Variants in ROBO1 observed in about 807,000 individuals in gnomAD.
The protein encoded by ROBO1 is roundabout homolog 1.
In ROBO1, 149 loss-of-function variants were observed where a neutral mutation model predicts 195.9. The observed-to-expected ratio is 0.76, with a 90% CI of 0.67 to 0.87. ROBO1 has a LOEUF of 0.87. Among genes scored for constraint, ROBO1 ranks in the 40% least tolerant of loss-of-function variants. The pLI, the probability that ROBO1 is intolerant of heterozygous loss-of-function variation, is 0.00. For synonymous variants in ROBO1, 816 were observed against 733.2 expected, an observed-to-expected ratio of 1.11 and a Z score of -1.82; for missense variants, 1,933 against 2,068.3, an observed-to-expected ratio of 0.93 and a Z score of 1.27.
At chr3:79,652,735 T>C (rs1946048461) in intron 1 of ROBO1, among the ~76,000 whole-genome samples, 1 of 152,024 alleles carries the variant, frequency 6.6e-6, no homozygotes, top group African/African-American at 2.4e-5. Flanking sequence ...GAGTATTTGC[T>C]ATTGTTTTAA....
At chr3:78,979,824 A>AGC (rs933672948) in intron 3 of ROBO1, among the ~76,000 whole-genome samples, 9 of 149,190 alleles carry the variant, frequency 6.0e-5, no homozygotes, top group African/African-American at 2.2e-4. Context: ...TACACACACA[A>AGC]ACACACACAC....
At chr3:79,442,034 A>AAAAAAAAAGTCCAAGAAAGG (rs1281524216) in intron 2 of ROBO1, among the ~76,000 whole-genome samples, 1 of 148,370 alleles carries the variant, frequency 6.7e-6, no homozygotes, top group African/African-American at 2.6e-5. Flanking sequence ...CCAAGAAAGG[A>AAAAAAAAAGTCCAAGAAAGG]AAAAAAAAGT....
intron 2 of ROBO1, among the ~76,000 whole-genome samples, chr3:79,466,877 A>C (rs1937988015): frequency 6.6e-6 from 1 of 152,226 alleles, no homozygotes; most frequent in South Asian, 2.1e-4. Flanking sequence ...AGACTATTTC[A>C]GGAACTGATT....
At chr3:79,621,020 T>A (rs1944990733) in intron 1 of ROBO1, among the ~76,000 whole-genome samples, 1 of 152,012 alleles carries the variant, frequency 6.6e-6, no homozygotes, top group Admixed American at 6.6e-5. Flanking sequence ...CTATCCTCAA[T>A]ATCTCCCTCC....
chr3:79,157,650 T>A lies in ROBO1; in HGVS notation c.89-32111A>T, dbSNP rs1284830160. ...GTACAATAAAAGGAATATGAGTTCA[T>A]TTTTTCCCCAGAATAATTTGTTCTA... On this transcript the variant is annotated intron_variant, in intron 2 of 30. Coordinates refer to ENST00000464233, the MANE Select transcript of ROBO1 (RefSeq NM_002941.4). 4.0e-5 allele frequency among the ~76,000 whole-genome samples: 6 copies of A among 151,884 alleles called. No homozygotes were observed. In the East Asian group the frequency reaches 1.2e-3, roughly 29 times the overall value.
intron 3 of ROBO1, among the ~76,000 whole-genome samples, chr3:78,947,114 C>G (rs535227453): frequency 1.4e-5 from 2 of 147,690 alleles, no homozygotes; most frequent in Admixed American, 1.3e-4. Flanking sequence ...GACAGATCAA[C>G]AAGACAGAAA....
intron 3 of ROBO1, among the ~76,000 whole-genome samples, chr3:79,057,470 C>T (rs2078832989): frequency 1.3e-5 from 2 of 151,968 alleles, no homozygotes; most frequent in Non-Finnish European, 2.9e-5. Context: ...GAAATCTGTG[C>T]CAACTCCTCA....
intron 2 of ROBO1, among the ~76,000 whole-genome samples, chr3:79,464,523 T>A (rs1198116847): frequency 6.6e-6 from 1 of 152,218 alleles, no homozygotes; most frequent in Non-Finnish European, 1.5e-5. Context: ...ATATTAAACA[T>A]CTTTTCATGT....
chr3:78,603,280 C>T (rs899253232), intron 29 of ROBO1, among the ~76,000 whole-genome samples: 6 of 152,088 alleles, frequency 3.9e-5, no homozygotes, highest in Admixed American at 2.0e-4. Context: ...AATAGACCTT[C>T]GGGCTTTTTA....
chr3:78,636,935 T>TTATATATATATATATATATATA (rs55894934), intron 22 of ROBO1, among the ~76,000 whole-genome samples: 2 of 96,696 alleles, frequency 2.1e-5, no homozygotes, highest in African/African-American at 3.6e-5. Context: ...TACATTCATT[T>TTATATATATATATATATATATA]TATATATATA....
In ROBO1 at chr3:79,417,903, G is replaced by A. The variant is rs143257959; in HGVS notation, c.88+171921C>T. 3.3e-5 allele frequency among the ~76,000 whole-genome samples: 5 copies of A among 152,170 alleles called. No homozygotes were observed. The East Asian group carries it at 5.8e-4, about 18-fold the overall frequency. ...TTCTACTCCAGCCAGGTGGCTATGCGTGTTTAAGTTATAGTTCTGGTTTTA... is the reference window on the plus strand; with the variant it reads ...TTCTACTCCAGCCAGGTGGCTATGCATGTTTAAGTTATAGTTCTGGTTTTA... On this transcript the variant is annotated intron_variant, in intron 2 of 30. Transcript: ENST00000464233.
chr3:79,113,165 A>C (rs1309713331), intron 3 of ROBO1, among the ~76,000 whole-genome samples: 1 of 152,114 alleles, frequency 6.6e-6, no homozygotes, highest in Non-Finnish European at 1.5e-5. Context: ...ATTTATCAGC[A>C]TGTCTGTTTT....
chr3:79,193,604 T>TG (rs1235183866), intron 2 of ROBO1, among the ~76,000 whole-genome samples: 1 of 145,294 alleles, frequency 6.9e-6, no homozygotes, highest in Non-Finnish European at 1.5e-5. Flanking sequence ...TTTTTTTTTT[T>TG]GTATCAGAAA....
At chr3:78,691,728 T>A (rs2081180353) in intron 8 of ROBO1, among the ~76,000 whole-genome samples, 1 of 152,170 alleles carries the variant, frequency 6.6e-6, no homozygotes, top group Non-Finnish European at 1.5e-5. Context: ...AAATGGCTTT[T>A]TCTCCCAAAC....
intron 1 of ROBO1, among the ~76,000 whole-genome samples, chr3:79,685,854 T>C (rs559363616): frequency 9.9e-5 from 15 of 152,238 alleles, no homozygotes; most frequent in South Asian, 8.3e-4. Flanking sequence ...AGAGGGAATC[T>C]TCCCTAACTC....
chr3:79,089,615 T>C (rs892899063), intron 3 of ROBO1, among the ~76,000 whole-genome samples: 4 of 152,240 alleles, frequency 2.6e-5, no homozygotes, highest in African/African-American at 9.6e-5. Flanking sequence ...TATCAGCCTG[T>C]TTACCTAAAA....
At chr3:79,372,317 C>T (rs1300240001) in intron 2 of ROBO1, among the ~76,000 whole-genome samples, 1 of 151,994 alleles carries the variant, frequency 6.6e-6, no homozygotes, top group African/African-American at 2.4e-5. Flanking sequence ...AGCGATTCTC[C>T]TGCCTCAGCC....
intron 2 of ROBO1, among the ~76,000 whole-genome samples, chr3:79,349,913 G>C (rs9855638): frequency 0.43 from 65,256 of 151,924 alleles, 18,848 homozygotes; most frequent in African/African-American, 0.83. Flanking sequence ...TATATGACAC[G>C]AAATGCATGA....
chr3:79,646,402 G>T (rs996194462), intron 1 of ROBO1, among the ~76,000 whole-genome samples: 1 of 152,000 alleles, frequency 6.6e-6, no homozygotes, highest in East Asian at 1.9e-4. Flanking sequence ...GAAAATGACA[G>T]GGAACAACAA....
Sources: gnomAD v4.1 joint callset for allele counts (sites outside exome capture counted in the v4.1 genomes callset) on GRCh38, gnomAD v4.1.1 for gene constraint, MANE v1.5 for transcripts, NCBI Gene and HGNC (gene_info 2026-07-23, HGNC 2026-07-21) for gene names.